Variants in NLRC4 observed in about 807,000 individuals in gnomAD.
The protein encoded by NLRC4 is NLR family CARD domain containing 4, also known as NLR family CARD domain-containing protein 4.
Under a neutral mutation model 79.9 loss-of-function variants are expected in NLRC4, and 63 were observed. That is an observed-to-expected ratio of 0.79 (90% CI 0.64 to 0.97). The LOEUF (loss-of-function observed/expected upper bound fraction) is 0.97. Among genes scored for constraint, NLRC4 ranks in the 50% least tolerant of loss-of-function variants. NLRC4 has a pLI of 0.00. For synonymous variants in NLRC4, 461 were observed against 456.5 expected (o/e 1.01, Z -0.12); for missense variants, 1,074 against 1,215.2 (o/e 0.88, Z 1.73).
At chr2:32,246,809 G>A (rs1162046112) in intron 4 of NLRC4, among the ~76,000 whole-genome samples, 6 of 152,112 alleles carry the variant, frequency 3.9e-5, no homozygotes, top group African/African-American at 1.4e-4. Flanking sequence ...TGGAGATAGG[G>A]TCTTGCTGTG....
At chr2:32,229,418 C>CAGGA (rs1351539127) in intron 8 of NLRC4, among the ~76,000 whole-genome samples, 1 of 152,094 alleles carries the variant, frequency 6.6e-6, no homozygotes, top group East Asian at 1.9e-4. Context: ...CAGAGAATCC[C>CAGGA]AGGAAGCGGA....
At chr2:32,232,950 C>T (rs965231854) in intron 8 of NLRC4, among the ~76,000 whole-genome samples, 5 of 151,696 alleles carry the variant, frequency 3.3e-5, no homozygotes, top group African/African-American at 7.3e-5. Flanking sequence ...AAGGGAAGGT[C>T]GTTGAAGAGG....
intron 4 of NLRC4, among the ~76,000 whole-genome samples, chr2:32,243,715 T>C (rs1686860161): frequency 1.3e-5 from 2 of 151,316 alleles, no homozygotes; most frequent in African/African-American, 2.4e-5. Context: ...GGAGAATTGC[T>C]TGAACCCAGG....
intron 6 of NLRC4, 111 bp downstream of exon 6, chr2:32,238,021 C>G: frequency 1.3e-6 from 1 of 746,512 alleles, no homozygotes; most frequent in Non-Finnish European, 2.0e-6. Context: ...TTTTATTTTC[C>G]AGTTTTCCTT....
In NLRC4 at chr2:32,251,095, T is replaced by A. The variant is rs747935539; in HGVS notation, c.769A>T (p.Asn257Tyr). The A allele has an allele frequency of 1.2e-6, 2 of 1,614,148 alleles. No homozygotes were observed. The highest frequency in any genetic ancestry group is 1.7e-6 in the Non-Finnish European group (2 of 1,180,022). ...ATCAGGGCTTCGATTTCTGGGCAGT[T>A]CTGGGGCTTGAATTCATTGTAGCCA... is the stretch of plus-strand genomic sequence containing the variant. The part of the protein sequence containing the change: ...LDGYNEFKPQ[N>Y]CPEIEALIKE... The change falls in exon 4 of 9, where the codon AAC becomes TAC. Residue 257 changes from asparagine (N) to tyrosine (Y), a missense_variant. Transcript: ENST00000402280.
chr2:32,262,940 A>T (rs1254821191), intron 1 of NLRC4, among the ~76,000 whole-genome samples: 4 of 150,706 alleles, frequency 2.7e-5, no homozygotes, highest in African/African-American at 7.3e-5. Context: ...AATATATATT[A>T]TATATATATA....
chr2:32,239,136 C>G (rs1414938471), intron 5 of NLRC4, among the ~76,000 whole-genome samples: 2 of 152,062 alleles, frequency 1.3e-5, no homozygotes, highest in Non-Finnish European at 2.9e-5. Flanking sequence ...CAAAAATTAG[C>G]TGGGCGTGAT....
In NLRC4 at chr2:32,238,170, A is replaced by G; in HGVS notation, c.2483T>C (p.Val828Ala). 6.2e-7 allele frequency: 1 copy of G among 1,613,808 alleles called. No homozygotes were observed. The highest frequency in any genetic ancestry group is 8.5e-7 in the Non-Finnish European group (1 of 1,179,916). ...TGCATTTGCAGACAAGCAGCAGGAG[A>G]CTAATTGAATTTCTTCAAGGTCACA... ...EPCDLEEIQL[V>A]SCCLSANAVK... The change falls in exon 6 of 9, where the codon GTC becomes GCC. Residue 828 changes from valine to alanine, a missense_variant. Physicochemically the swap from Val to Ala is moderately conservative, Grantham distance 64. Transcript: ENST00000402280.
chr2:32,252,086 C>T (rs1441041989), intron 3 of NLRC4, among the ~76,000 whole-genome samples: 1 of 152,208 alleles, frequency 6.6e-6, no homozygotes, highest in East Asian at 1.9e-4. Flanking sequence ...GGGCCTCTCT[C>T]CCATAGGTAG....
At chr2:32,235,276 G>A in intron 8 of NLRC4, 125 bp downstream of exon 8, 1 of 690,010 alleles carries the variant, frequency 1.4e-6, no homozygotes, top group South Asian at 1.8e-5. Flanking sequence ...GAATTCATTA[G>A]ACATATTTAT....
At chr2:32,226,991 A>G (rs1686418423) in intron 8 of NLRC4, among the ~76,000 whole-genome samples, 1 of 152,268 alleles carries the variant, frequency 6.6e-6, no homozygotes, top group South Asian at 2.1e-4. Context: ...TCATATCCCA[A>G]CCTCCCTTGC....
At chr2:32,233,933 C>T (rs931964107) in intron 8 of NLRC4, among the ~76,000 whole-genome samples, 1 of 152,060 alleles carries the variant, frequency 6.6e-6, no homozygotes, top group Non-Finnish European at 1.5e-5. Context: ...TTAGCTCTAA[C>T]AATATTTGCT....
intron 4 of NLRC4, among the ~76,000 whole-genome samples, chr2:32,244,954 G>T (rs13423310): frequency 0.063 from 9,627 of 151,990 alleles, 444 homozygotes; most frequent in Non-Finnish European, 0.096. Flanking sequence ...TAGTGAGGTA[G>T]CGAGGTGTGG....
intron 8 of NLRC4, among the ~76,000 whole-genome samples, chr2:32,231,443 C>T (rs1558446020): frequency 6.6e-6 from 1 of 152,136 alleles, no homozygotes; most frequent in Admixed American, 6.5e-5. Flanking sequence ...GTGTCAGCCA[C>T]CACGCCCGGC....
chr2:32,226,463 C>A (rs563357432), intron 8 of NLRC4, among the ~76,000 whole-genome samples: 2 of 152,236 alleles, frequency 1.3e-5, no homozygotes, highest in Non-Finnish European at 2.9e-5. Context: ...AAGATGCTAG[C>A]GGCTAAAGTG....
rs750782583 is a variant in NLRC4, at chr2:32,224,803, T to A, written c.2783-38A>T. ...ATAAGTATATTAGTTGGAAGAAAAA[T>A]TTTTTTTAAAAAAAAAGAGAAATAG... On this transcript the variant is annotated intron_variant, in intron 8 of 8. Transcript: ENST00000402280. The A allele has an allele frequency of 4.9e-3, 1,372 of 280,596 alleles. 11 individuals carry two copies. The African/African-American group carries it at 0.1, about 21-fold the overall frequency. 17.4% of individuals were successfully genotyped at this position (280,596 alleles called of 1,614,324 possible). A position where few individuals can be genotyped will look rare whatever the true frequency, so the allele number is the denominator to read the frequency against.
rs761890286 is a variant in NLRC4, at chr2:32,236,328, G to T, written c.2533C>A (p.His845Asn). ...AGAATGCTCAGTTTGACCAAATTGT[G>T]AAGATTCTGAGCTGGGGAAAAAAAG... The part of the protein sequence containing the change: ...NAVKILAQNL[H>N]NLVKLSILDL... The change falls in exon 7 of 9, where the codon CAC becomes AAC. Residue 845 changes from histidine (H) to asparagine (N), a missense_variant. Coordinates refer to ENST00000402280, the MANE Select transcript of NLRC4 (RefSeq NM_001199138.2). The T allele has an allele frequency of 2.5e-6, 4 of 1,602,420 alleles. No individual in the cohort carries two copies. The highest frequency in any genetic ancestry group is 2.3e-5 in the South Asian group (2 of 88,812).
At chr2:32,261,734 TAA>T (rs916392462) in intron 1 of NLRC4, among the ~76,000 whole-genome samples, 1 of 152,022 alleles carries the variant, frequency 6.6e-6, no homozygotes, top group African/African-American at 2.4e-5. Context: ...TTTCAGAAAA[TAA>T]AGTTTCCCTT....
rs752131347 is a variant in NLRC4 at position 32,235,414 on chromosome 2, C to A, written c.2769G>T (p.Glu923Asp). ...GLKNWRLTDTEIRILGAFFGK... is the reference protein window; with the variant it reads ...GLKNWRLTDTDIRILGAFFGK... ...GTGTGTACCTACCTAAAATTCTAAT[C>A]TCTGTATCTGTGAGTCTCCAGTTTT... Residue 923 changes from glutamate to aspartate, a missense_variant, in exon 8 of 9, where the codon GAG becomes GAT. Glu to Asp is a conservative substitution (Grantham distance 45). Coordinates refer to ENST00000402280, the MANE Select transcript of NLRC4 (RefSeq NM_001199138.2). 2 of 1,613,964 alleles carry A rather than the reference C, an allele frequency of 1.2e-6. No individual in the cohort carries two copies. The highest frequency in any genetic ancestry group is 1.7e-6 in the Non-Finnish European group (2 of 1,179,812).
Sources: gnomAD v4.1 joint callset for allele counts (sites outside exome capture counted in the v4.1 genomes callset) on GRCh38, gnomAD v4.1.1 for gene constraint, MANE v1.5 for transcripts, NCBI Gene and HGNC (gene_info 2026-07-23, HGNC 2026-07-21) for gene names.